TMEM132D: variants seen among roughly 807,000 people sequenced by gnomAD.
TMEM132D encodes transmembrane protein 132D.
A neutral mutation model predicts 62.3 loss-of-function variants in TMEM132D; 21 were observed. The ratio of observed to expected loss-of-function variants is 0.34; its 90% confidence interval spans 0.24 to 0.49. The LOEUF is 0.49. Ranked by LOEUF, TMEM132D falls within the 20% of genes least tolerant of loss-of-function variation. TMEM132D has a pLI of 0.99. For synonymous variants in TMEM132D, 621 were observed against 575.6 expected (o/e 1.08, Z -1.13); for missense variants, 1,346 against 1,402.8 (o/e 0.96, Z 0.65).
intron 4 of TMEM132D, 55 bp from the exon 5 acceptor site, chr12:129,209,718 C>A (rs1486387966): frequency 1.2e-6 from 2 of 1,600,878 alleles, no homozygotes; most frequent in Non-Finnish European, 1.7e-6. Context: ...GGCCCAGTCC[C>A]TGGGAGTATG....
intron 5 of TMEM132D, among the ~76,000 whole-genome samples, chr12:129,174,397 AG>A (rs1877839551): frequency 6.6e-6 from 1 of 152,192 alleles, no homozygotes; most frequent in South Asian, 2.1e-4. Flanking sequence ...GTCCCTGCAA[AG>A]GACATGATCT....
intron 1 of TMEM132D, among the ~76,000 whole-genome samples, chr12:129,898,974 A>G (rs923114441): frequency 5.3e-5 from 8 of 152,234 alleles, no homozygotes; most frequent in African/African-American, 1.9e-4. Flanking sequence ...TGACATCTAG[A>G]GGAATGACTG....
intron 1 of TMEM132D, among the ~76,000 whole-genome samples, chr12:129,705,271 A>T (rs1362545602): frequency 6.6e-6 from 1 of 152,252 alleles, no homozygotes; most frequent in Admixed American, 6.5e-5. Flanking sequence ...ATATACATAT[A>T]CAAATTCAAA....
intron 3 of TMEM132D, among the ~76,000 whole-genome samples, chr12:129,424,089 T>TATTA (rs772234759): frequency 1.3e-5 from 2 of 152,202 alleles, no homozygotes; most frequent in East Asian, 3.8e-4. Flanking sequence ...AGTTGACTAT[T>TATTA]ATTAACATAT....
At chr12:129,695,545 A>G (rs930746458) in intron 2 of TMEM132D, among the ~76,000 whole-genome samples, 1 of 152,260 alleles carries the variant, frequency 6.6e-6, no homozygotes, top group Admixed American at 6.5e-5. Flanking sequence ...GGACATTGGT[A>G]TAATTTGAAT....
At chr12:129,351,064 C>G (rs1407927972) in intron 3 of TMEM132D, among the ~76,000 whole-genome samples, 1 of 152,154 alleles carries the variant, frequency 6.6e-6, no homozygotes, top group Non-Finnish European at 1.5e-5. Flanking sequence ...CTTCTTCTAA[C>G]AGACCAGATG....
chr12:129,544,358 A>C (rs1282683665), intron 2 of TMEM132D, among the ~76,000 whole-genome samples: 1 of 152,268 alleles, frequency 6.6e-6, no homozygotes, highest in Admixed American at 6.5e-5. Flanking sequence ...AGCATGAAAT[A>C]AAGATCCAGC....
intron 3 of TMEM132D, among the ~76,000 whole-genome samples, chr12:129,513,920 C>T (rs1238741628): frequency 9.2e-5 from 14 of 151,490 alleles, no homozygotes; most frequent in Admixed American, 9.2e-4. Flanking sequence ...TGACTGCAAG[C>T]TCCGCCTCCC....
chr12:129,690,721 A>G (rs1881043379), intron 2 of TMEM132D, among the ~76,000 whole-genome samples: 1 of 152,200 alleles, frequency 6.6e-6, no homozygotes, highest in Non-Finnish European at 1.5e-5. Context: ...AACTTGAAGG[A>G]GAAATAAACA....
intron 1 of TMEM132D, among the ~76,000 whole-genome samples, chr12:129,880,203 T>G (rs1874547112): frequency 6.6e-6 from 1 of 151,800 alleles, no homozygotes; most frequent in South Asian, 2.1e-4. Context: ...CAGAAGGCAA[T>G]GAAGAGATAT....
At chr12:129,082,555 G>C (rs1874487984) in intron 6 of TMEM132D, among the ~76,000 whole-genome samples, 1 of 152,092 alleles carries the variant, frequency 6.6e-6, no homozygotes, top group Non-Finnish European at 1.5e-5. Context: ...GAGGAACTGA[G>C]ACTAGCCAGC....
chr12:129,207,881 C>T (rs1317611160), intron 5 of TMEM132D, among the ~76,000 whole-genome samples: 1 of 152,110 alleles, frequency 6.6e-6, no homozygotes, highest in African/African-American at 2.4e-5. Context: ...TAGCCTCCAC[C>T]TAAGATATTT....
Position 129,903,099 on chromosome 12 carries a change from A to ACGAGCG in TMEM132D, c.79+156_79+161dup, listed in dbSNP as rs1442198506. 6.6e-6 allele frequency among the ~76,000 whole-genome samples: 1 copy of ACGAGCG among 152,190 alleles called. No homozygotes were observed. Among genetic ancestry groups the ACGAGCG allele is most frequent in the Non-Finnish European group, 1.5e-5 (1 of 68,032 alleles). ...GGCGTCCGAGGAGCTTGGCTGCCGCACGAGCGCACGTTCACACGCGCGCAC... is the reference window on the plus strand; with the variant it reads ...GGCGTCCGAGGAGCTTGGCTGCCGCACGAGCGCGAGCGCACGTTCACACGCGCGCAC... On this transcript the variant is annotated intron_variant, in intron 1 of 8. Coordinates refer to ENST00000422113, the MANE Select transcript of TMEM132D (RefSeq NM_133448.3). The surrounding 1 kb of genome is among the most constrained non-coding windows in gnomAD (Gnocchi z 6.2).
intron 2 of TMEM132D, among the ~76,000 whole-genome samples, chr12:129,622,756 C>T (rs1326529456): frequency 2.0e-5 from 3 of 152,192 alleles, no homozygotes; most frequent in African/African-American, 7.2e-5. Context: ...AATCATAGTG[C>T]CCTTCCCACC....
At chr12:129,241,196 C>T (rs1213484629) in intron 4 of TMEM132D, among the ~76,000 whole-genome samples, 2 of 146,958 alleles carry the variant, frequency 1.4e-5, no homozygotes, top group African/African-American at 5.0e-5. Flanking sequence ...CCAAAACAAC[C>T]AACTTTCCAA....
At chr12:129,585,790 C>A (rs1411107195) in intron 2 of TMEM132D, among the ~76,000 whole-genome samples, 1 of 150,500 alleles carries the variant, frequency 6.6e-6, no homozygotes, top group Non-Finnish European at 1.5e-5. Flanking sequence ...CATTTCCAAT[C>A]AAAATACCAA....
chr12:129,730,131 C>T (rs576684389), intron 1 of TMEM132D, among the ~76,000 whole-genome samples: 297 of 152,252 alleles, frequency 2.0e-3, no homozygotes, highest in African/African-American at 6.8e-3. Context: ...GTCTCTTATA[C>T]GGACGTGAGT....
intron 1 of TMEM132D, among the ~76,000 whole-genome samples, chr12:129,806,648 C>G (rs540957667): frequency 6.6e-6 from 1 of 151,476 alleles, no homozygotes; most frequent in Non-Finnish European, 1.5e-5. Context: ...ACATATGTAA[C>G]TAACCTGCAC....
At chr12:129,731,739 T>C (rs911827871) in intron 1 of TMEM132D, among the ~76,000 whole-genome samples, 13 of 152,018 alleles carry the variant, frequency 8.6e-5, no homozygotes, top group Non-Finnish European at 1.6e-4. Context: ...CTTGGCTCAC[T>C]GCAAGCTCCG....
Sources: allele counts gnomAD v4.1 joint callset (sites outside exome capture counted in the v4.1 genomes callset), GRCh38; gene constraint gnomAD v4.1.1; non-coding constraint Gnocchi (gnomAD v3.1); transcripts MANE v1.5; gene names NCBI Gene and HGNC (gene_info 2026-07-23, HGNC 2026-07-21).